CCDC180: variants seen among roughly 807,000 people sequenced by gnomAD.
CCDC180 encodes coiled-coil domain-containing protein 180.
A neutral mutation model predicts 209.2 loss-of-function variants in CCDC180; 154 were observed. That is an observed-to-expected ratio of 0.74 (90% confidence interval 0.65 to 0.84). CCDC180 has a LOEUF of 0.84. Among genes scored for constraint, CCDC180 ranks in the 40% least tolerant of loss-of-function variants. CCDC180 has a pLI of 0.00. For synonymous variants in CCDC180, 778 were observed against 749.1 expected (o/e 1.04, Z -0.63); for missense variants, 1,874 against 1,997.3 (o/e 0.94, Z 1.18).
At position 97,308,059 on chromosome 9, in the gene CCDC180, C is replaced by G. The variant is rs1009801069; in HGVS notation, c.-5C>G. The G allele has an allele frequency of 6.2e-7, 1 of 1,613,562 alleles. No individual in the cohort carries two copies. The highest frequency in any genetic ancestry group is 1.3e-5 in the African/African-American group (1 of 74,912). On this transcript the variant is annotated 5_prime_UTR_variant, in exon 2 of 37. Transcript: ENST00000529487. ...CCCGGCAGGGGCATCCAGCCAGCGG[C>G]CAAGATGTCGTCAGTGGGGAAGGTG...
At chr9:97,357,936 T>G in intron 25 of CCDC180, 1 of 473,696 alleles carries the variant, frequency 2.1e-6, no homozygotes, top group South Asian at 3.0e-5. Flanking sequence ...CTCCAACCCC[T>G]CCCAGGCAAG....
Position 97,314,842 on chromosome 9 carries a change from C to A in CCDC180, c.700-9C>A. 1 of 1,612,210 alleles carries A rather than the reference C, an allele frequency of 6.2e-7. No individual in the cohort carries two copies. Among genetic ancestry groups the A allele is most frequent in the South Asian group, 1.1e-5 (1 of 91,010 alleles). ...TGAGCCACTAAGTATGGTGCCTTGT[C>A]ATTTCTAGCTAAAAAGCGTGTTGAA... On this transcript the variant is annotated splice_polypyrimidine_tract_variant and intron_variant, in intron 7 of 36. Coordinates refer to ENST00000529487, the MANE Select transcript of CCDC180 (RefSeq NM_020893.6).
chr9:97,340,865 A>G (rs899412665), intron 18 of CCDC180, among the ~76,000 whole-genome samples: 6 of 152,290 alleles, frequency 3.9e-5, no homozygotes, highest in Admixed American at 1.3e-4. Flanking sequence ...AGGGCCTGAC[A>G]TTAGTCAGGC....
chr9:97,330,023 G>A (rs530332625), intron 16 of CCDC180, 131 bp from the exon 17 acceptor site: 13 of 734,280 alleles, frequency 1.8e-5, no homozygotes, highest in Admixed American at 5.3e-5. Flanking sequence ...AACCAAGACC[G>A]CGCCACTGCA....
intron 26 of CCDC180, 33 bp from the exon 27 acceptor site, chr9:97,361,693 T>A (rs370547539): frequency 1.5e-5 from 24 of 1,609,438 alleles, no homozygotes; most frequent in Middle Eastern, 1.6e-4. Flanking sequence ...GGGCTGGTCC[T>A]TACACCCTCA....
At chr9:97,334,665 A>G (rs1388592968) in intron 18 of CCDC180, among the ~76,000 whole-genome samples, 2 of 152,066 alleles carry the variant, frequency 1.3e-5, no homozygotes, top group Non-Finnish European at 2.9e-5. Context: ...TATATAGGCT[A>G]TTTTTTCCCA....
Position 97,343,561 on chromosome 9 carries a change from A to G in CCDC180, c.2496A>G (p.Lys832=), listed in dbSNP as rs1490491154. 6.2e-7 allele frequency: 1 copy of G among 1,604,288 alleles called. No homozygotes were observed. Among genetic ancestry groups the G allele is most frequent in the Admixed American group, 1.7e-5 (1 of 59,990 alleles). Residue 832 remains lysine (K), a splice_region_variant and synonymous_variant, in exon 19 of 37, where the codon AAA becomes AAG. Coordinates refer to ENST00000529487, the MANE Select transcript of CCDC180 (RefSeq NM_020893.6). ...CGAGACTAATTTTAGAAATTAAGAA[A>G]CAGTGAGTAAAAAACTATTTTATTC... is the stretch of plus-strand genomic sequence containing the variant. ...IPSRLILEIK[K]QLRAGFFEHL...
intron 35 of CCDC180, 36 bp downstream of exon 35, chr9:97,374,684 G>T (rs1284765647): frequency 6.6e-7 from 1 of 1,524,500 alleles, no homozygotes; most frequent in South Asian, 1.1e-5. Flanking sequence ...ACTGTAAATG[G>T]CTGTATCTGC....
chr9:97,312,198 A>G lies in CCDC180; in HGVS notation c.346A>G (p.Ile116Val), dbSNP rs1323815707. The change falls in exon 4 of 37, where the codon ATA becomes GTA. Residue 116 changes from isoleucine to valine, a missense_variant. Coordinates refer to ENST00000529487, the MANE Select transcript of CCDC180 (RefSeq NM_020893.6). ...AREVRGLMDT[I>V]VPEKISTSTF... ...AGAAGTGCGGGGTCTCATGGATACT[A>G]TAGGTGAGCCTCCATTCAGCCTCAA... is the stretch of plus-strand genomic sequence containing the variant. 5 of 1,613,552 alleles carry G rather than the reference A, an allele frequency of 3.1e-6. No homozygotes were observed. Among genetic ancestry groups the G allele is most frequent in the East Asian group, 2.2e-5 (1 of 44,846 alleles).
rs547846434 is a variant in CCDC180, at chr9:97,319,328, G to A, written c.1079+746G>A. Among the ~76,000 whole-genome samples, 3 of 152,240 alleles carry A rather than the reference G, an allele frequency of 2.0e-5. No individual in the cohort carries two copies. The South Asian group carries it at 6.2e-4, about 32-fold the overall frequency. On this transcript the variant is annotated intron_variant, in intron 10 of 36. Transcript: ENST00000529487. ...ATAAAAATTTAAAAAAGAATTTGGT[G>A]TCCTTTTTTTAACTTTTATTTTAGA...
chr9:97,312,261 G>C, intron 4 of CCDC180, 60 bp downstream of exon 4: 1 of 1,472,222 alleles, frequency 6.8e-7, no homozygotes, highest in Non-Finnish European at 9.5e-7. Context: ...ACCTGGGCAG[G>C]AGGTGGGGAC....
rs776505757 is a variant in CCDC180 at position 97,366,686 on chromosome 9, A to G, written c.4175A>G (p.Asn1392Ser). 2 of 1,613,878 alleles carry G rather than the reference A, an allele frequency of 1.2e-6. No individual in the cohort carries two copies. Among genetic ancestry groups the G allele is most frequent in the East Asian group, 2.2e-5 (1 of 44,856 alleles). The change falls in exon 31 of 37, where the codon AAC becomes AGC. Residue 1392 changes from asparagine (N) to serine (S), a missense_variant. Physicochemically the swap from Asn to Ser is conservative, Grantham distance 46. Transcript: ENST00000529487. The surrounding 1 kb of genome is among the most constrained non-coding windows in gnomAD (Gnocchi z 4.3). Reference sequence around the variant, plus strand: ...CAGAGCCAGGCAAATAAGTACCACAACTCCTGCCTCATAGGTGAGTATAGG... The same window carrying G: ...CAGAGCCAGGCAAATAAGTACCACAGCTCCTGCCTCATAGGTGAGTATAGG... ...EYQSQANKYHNSCLIELRIQI... is the reference protein window; with the variant it reads ...EYQSQANKYHSSCLIELRIQI...
In CCDC180 at chr9:97,320,256, C is replaced by T. The variant is rs537614112; in HGVS notation, c.1159+51C>T. The stretch of plus-strand genomic sequence containing the variant: ...CTGCATTTCTCCAGAACTGTTTAAG[C>T]AGTTGCTTTGCTGAAGCTCAGCCAA... On this transcript the variant is annotated intron_variant, in intron 11 of 36. Coordinates refer to ENST00000529487, the MANE Select transcript of CCDC180 (RefSeq NM_020893.6). 3.7e-4 allele frequency: 571 copies of T among 1,530,448 alleles called. 4 individuals are homozygous for T. The South Asian group carries it at 6.0e-3, about 16-fold the overall frequency. The allele number at this position is 1,530,448 out of a possible 1,614,324, so 94.8% of individuals were successfully genotyped here.
chr9:97,350,838 A>C (rs763518856), intron 22 of CCDC180, among the ~76,000 whole-genome samples: 4 of 152,086 alleles, frequency 2.6e-5, no homozygotes, highest in Non-Finnish European at 4.4e-5. Context: ...CCTGGCAACC[A>C]CCATCCTCCT....
intron 24 of CCDC180, among the ~76,000 whole-genome samples, chr9:97,357,340 C>G (rs912664892): frequency 6.6e-6 from 1 of 152,184 alleles, no homozygotes; most frequent in Non-Finnish European, 1.5e-5. Flanking sequence ...CTATGGCTCT[C>G]GAAGCTTTCC....
intron 31 of CCDC180, among the ~76,000 whole-genome samples, chr9:97,368,877 G>A (rs1264457588): frequency 6.6e-6 from 1 of 152,160 alleles, no homozygotes; most frequent in Non-Finnish European, 1.5e-5. Context: ...GAAACAAAAT[G>A]CCTTGAGCAA....
chr9:97,364,323 C>A, intron 29 of CCDC180, 195 bp downstream of exon 29: 1 of 528,942 alleles, frequency 1.9e-6, no homozygotes. Flanking sequence ...GAAACATTTT[C>A]ATCAACATTT....
intron 16 of CCDC180, among the ~76,000 whole-genome samples, chr9:97,329,501 C>T (rs1185187303): frequency 6.6e-6 from 1 of 152,236 alleles, no homozygotes; most frequent in Non-Finnish European, 1.5e-5. Flanking sequence ...GTGTCTGTTC[C>T]ATCTAGCACA....
At position 97,366,880 on chromosome 9, in the gene CCDC180, C is replaced by T. The variant is rs376486931; in HGVS notation, c.4189+180C>T. ...ATAATCAGATTTTACTGGGGAAATG[C>T]GACCATGCAAGAAAAAAGTTCACTT... On this transcript the variant is annotated intron_variant, in intron 31 of 36. Transcript: ENST00000529487. This position sits in a 1 kb window ranked among gnomAD's most constrained non-coding sequence, Gnocchi z 4.3. 3.3e-5 allele frequency among the ~76,000 whole-genome samples: 5 copies of T among 152,184 alleles called. No homozygotes were observed. Among genetic ancestry groups the T allele is most frequent in the African/African-American group, 1.2e-4 (5 of 41,434 alleles).
Sources: allele counts gnomAD v4.1 joint callset (sites outside exome capture counted in the v4.1 genomes callset), GRCh38; gene constraint gnomAD v4.1.1; non-coding constraint Gnocchi (gnomAD v3.1); transcripts MANE v1.5; gene names NCBI Gene and HGNC (gene_info 2026-07-23, HGNC 2026-07-21).